HERC2: variants seen among roughly 807,000 people sequenced by gnomAD.
The protein encoded by HERC2 is HECT and RLD domain containing E3 ubiquitin protein ligase 2.
HERC2 carries 102 observed loss-of-function variants against 537.7 expected under a neutral mutation model. That is an observed-to-expected ratio of 0.19 (90% CI 0.16 to 0.22). The LOEUF is 0.22. Among genes scored for constraint, HERC2 ranks in the 10% least tolerant of loss-of-function variants. The pLI, the probability that HERC2 is intolerant of heterozygous loss-of-function variation, is 1.00. For synonymous variants in HERC2, 2,224 were observed against 2,466.2 expected (o/e 0.90, Z 2.91); for missense variants, 4,236 against 6,198.2 (o/e 0.68, Z 10.63).
chr15:28,148,520 A>G (rs1892005970), intron 70 of HERC2, among the ~76,000 whole-genome samples: 1 of 152,242 alleles, frequency 6.6e-6, no homozygotes, highest in Admixed American at 6.5e-5. Flanking sequence ...AACGTCCTGC[A>G]AAACAGACTT....
rs536710096 is a variant in HERC2 at position 28,306,210 on chromosome 15, G to C, written c.73-6694C>G. Among the ~76,000 whole-genome samples, 14 of 152,342 alleles carry C rather than the reference G, an allele frequency of 9.2e-5. No homozygotes were observed. In the South Asian group the frequency reaches 2.7e-3, roughly 29 times the overall value. On this transcript the variant is annotated intron_variant, in intron 2 of 92. Transcript: ENST00000261609. Reference sequence around the variant, plus strand: ...GTATGATACTAGCTGTGTGTCAGCTGTATATGGCTTTTATTGCGTTGAGGT... The same window carrying C: ...GTATGATACTAGCTGTGTGTCAGCTCTATATGGCTTTTATTGCGTTGAGGT...
intron 55 of HERC2, among the ~76,000 whole-genome samples, chr15:28,187,957 C>T (rs957141805): frequency 1.3e-5 from 2 of 152,210 alleles, no homozygotes; most frequent in Non-Finnish European, 2.9e-5. Context: ...TGGAAGCACA[C>T]ACTAACAATT....
rs73362603 is a variant in HERC2, at chr15:28,177,325, C to G, written c.9254+94G>C. On this transcript the variant is annotated intron_variant, in intron 60 of 92. Transcript: ENST00000261609. The surrounding 1 kb of genome is among the most constrained non-coding windows in gnomAD (Gnocchi z 5.0). ...TTTGTTTAAGAACCATTTCTATAAT[C>G]TATTCTATTCTAATTTTCTGCAAAA... The G allele has an allele frequency of 0.016, 21,581 of 1,371,938 alleles. 2,704 individuals are homozygous for G. In the African/African-American group the frequency reaches 0.27, roughly 17 times the overall value. 85.0% of individuals were successfully genotyped at this position (1,371,938 alleles called of 1,614,324 possible). A position where few individuals can be genotyped will look rare whatever the true frequency, so the allele number is the denominator to read the frequency against.
rs773187653 is a variant in HERC2 at position 28,143,893 on chromosome 15, C to T, written c.11398G>A (p.Asp3800Asn). ...CATACCAAAGCTCTTGTTTCCCCATCATTTTCTCCAAGCAGCCTATTTATG... is the reference window on the plus strand; with the variant it reads ...CATACCAAAGCTCTTGTTTCCCCATTATTTTCTCCAAGCAGCCTATTTATG... ...ININRLLGEN[D>N]GETRALSFTG... Residue 3800 changes from aspartate to asparagine, a missense_variant, in exon 74 of 93, where the codon GAT becomes AAT. Transcript: ENST00000261609. The T allele has an allele frequency of 3.7e-6, 6 of 1,614,148 alleles. No individual in the cohort carries two copies. The highest frequency in any genetic ancestry group is 5.1e-6 in the Non-Finnish European group (6 of 1,180,032).
intron 5 of HERC2, among the ~76,000 whole-genome samples, chr15:28,277,156 G>A (rs1162054733): frequency 6.6e-6 from 1 of 152,164 alleles, no homozygotes; most frequent in African/African-American, 2.4e-5. Flanking sequence ...CAGAACAGAT[G>A]AGTGGTTGCC....
intron 2 of HERC2, among the ~76,000 whole-genome samples, chr15:28,317,442 C>G (rs533047709): frequency 2.0e-5 from 3 of 152,208 alleles, no homozygotes; most frequent in Non-Finnish European, 2.9e-5. Context: ...TACATTTATG[C>G]GTAGTCATTC....
intron 89 of HERC2, chr15:28,115,190 A>G: frequency 1.9e-6 from 1 of 517,136 alleles, no homozygotes; most frequent in Non-Finnish European, 3.4e-6. Flanking sequence ...CAGCTTCTTC[A>G]CAGGGGAGGC....
At chr15:28,137,447 T>A (rs1380694468) in intron 78 of HERC2, among the ~76,000 whole-genome samples, 1 of 152,246 alleles carries the variant, frequency 6.6e-6, no homozygotes, top group Non-Finnish European at 1.5e-5. Flanking sequence ...GGCGCCATTT[T>A]CCCAAAAGCA....
At chr15:28,204,945 T>C (rs890200030) in intron 45 of HERC2, among the ~76,000 whole-genome samples, 3 of 151,902 alleles carry the variant, frequency 2.0e-5, no homozygotes, top group African/African-American at 7.3e-5. Context: ...AAAACAATAG[T>C]CAAAAGTTTC....
Position 28,265,761 on chromosome 15 carries a change from G to A in HERC2, c.1757-30C>T, listed in dbSNP as rs1052383158. 1 of 1,613,914 alleles carries A rather than the reference G, an allele frequency of 6.2e-7. No individual in the cohort carries two copies. The highest frequency in any genetic ancestry group is 1.3e-5 in the African/African-American group (1 of 74,920). On this transcript the variant is annotated intron_variant, in intron 13 of 92. Coordinates refer to ENST00000261609, the MANE Select transcript of HERC2 (RefSeq NM_004667.6). The surrounding 1 kb of genome is among the most constrained non-coding windows in gnomAD (Gnocchi z 4.0). ...AAACAGATAGGACGGCGGTTACTAAGTCCTGTAAGAGGCCACCTCCTGCTG... is the reference window on the plus strand; with the variant it reads ...AAACAGATAGGACGGCGGTTACTAAATCCTGTAAGAGGCCACCTCCTGCTG...
chr15:28,166,159 C>T (rs1894118080), intron 68 of HERC2, among the ~76,000 whole-genome samples: 2 of 152,190 alleles, frequency 1.3e-5, no homozygotes, highest in Admixed American at 6.5e-5. Flanking sequence ...AAGGCACACC[C>T]TCCAACTCAA....
intron 2 of HERC2, among the ~76,000 whole-genome samples, chr15:28,314,981 TTA>T (rs1163992399): frequency 3.3e-5 from 5 of 152,190 alleles, no homozygotes; most frequent in African/African-American, 1.2e-4. Flanking sequence ...AGGTGAGTTG[TTA>T]TAAAAGAGCA....
At position 28,243,332 on chromosome 15, in the gene HERC2, G is replaced by T. The variant is rs150811076; in HGVS notation, c.3577+2549C>A. Among the ~76,000 whole-genome samples, 543 of 152,106 alleles carry T rather than the reference G, an allele frequency of 3.6e-3. 6 individuals carry two copies. Among genetic ancestry groups the T allele is most frequent in the African/African-American group, 0.012 (517 of 41,502 alleles). On this transcript the variant is annotated intron_variant, in intron 23 of 92. Transcript: ENST00000261609. ...CTTTTAAGGTGTAAAAGAAAATCTGGGTAAGAAAAAGATTTCTTAAGGCCC... is the reference window on the plus strand; with the variant it reads ...CTTTTAAGGTGTAAAAGAAAATCTGTGTAAGAAAAAGATTTCTTAAGGCCC...
chr15:28,245,741 T>C, intron 23 of HERC2, 140 bp downstream of exon 23: 1 of 758,150 alleles, frequency 1.3e-6, no homozygotes, highest in East Asian at 2.6e-5. Flanking sequence ...ATTTGGATTA[T>C]CTCCATTTTT....
intron 38 of HERC2, 127 bp from the exon 39 acceptor site, chr15:28,215,929 G>A (rs1235195172): frequency 4.6e-5 from 31 of 675,386 alleles, no homozygotes. Context: ...ATATATTGCA[G>A]TTTGTAAATT....
chr15:28,230,918 T>C (rs1428728713), intron 30 of HERC2, among the ~76,000 whole-genome samples: 1 of 152,080 alleles, frequency 6.6e-6, no homozygotes, highest in African/African-American at 2.4e-5. Flanking sequence ...GTAATTTTCA[T>C]GTGCCAAAAT....
At chr15:28,114,077 C>T (rs1272391110) in intron 90 of HERC2, among the ~76,000 whole-genome samples, 1 of 152,222 alleles carries the variant, frequency 6.6e-6, no homozygotes, top group Non-Finnish European at 1.5e-5. Flanking sequence ...CCAGGACTAC[C>T]CCCACCAGAG....
At chr15:28,217,599 T>C (rs1383189498) in intron 38 of HERC2, among the ~76,000 whole-genome samples, 3 of 152,048 alleles carry the variant, frequency 2.0e-5, no homozygotes, top group Non-Finnish European at 4.4e-5. Flanking sequence ...ACACAAACAC[T>C]TTATGGATTA....
In HERC2 at chr15:28,143,866, T is replaced by C; in HGVS notation, c.11418+7A>G. 1.2e-6 allele frequency: 2 copies of C among 1,614,156 alleles called. No individual in the cohort carries two copies. Among genetic ancestry groups the C allele is most frequent in the Non-Finnish European group, 1.7e-6 (2 of 1,180,028 alleles). On this transcript the variant is annotated splice_region_variant and intron_variant, in intron 74 of 92. Transcript: ENST00000261609. ...AAATCTAGAAATTGTACTAGAATGCTCCATACCAAAGCTCTTGTTTCCCCA... is the reference window on the plus strand; with the variant it reads ...AAATCTAGAAATTGTACTAGAATGCCCCATACCAAAGCTCTTGTTTCCCCA...
Sources: allele counts gnomAD v4.1 joint callset (sites outside exome capture counted in the v4.1 genomes callset), GRCh38; gene constraint gnomAD v4.1.1; non-coding constraint Gnocchi (gnomAD v3.1); transcripts MANE v1.5; gene names NCBI Gene and HGNC (gene_info 2026-07-23, HGNC 2026-07-21).